The following SP1 variants were observed in gnomAD, a reference collection of about 807,000 sequenced individuals.
SP1 encodes the protein transcription factor Sp1.
In SP1, 6 loss-of-function variants were observed where a neutral mutation model predicts 66.3. The ratio of observed to expected loss-of-function variants is 0.09; its 90% CI spans 0.05 to 0.18. The LOEUF (loss-of-function observed/expected upper bound fraction) is 0.18, where lower values mean the gene tolerates loss of function less well. Among genes scored for constraint, SP1 ranks in the 10% least tolerant of loss-of-function variants. The pLI is 1.00. For missense variants in SP1, 848 were observed against 964.5 expected, an observed-to-expected ratio of 0.88 and a Z score of 1.60; for synonymous variants, 417 against 360.8, an observed-to-expected ratio of 1.16 and a Z score of -1.77.
rs1436011180 is a variant in SP1, at chr12:53,415,000, G to C, written c.*3760G>C. 1 of 152,536 alleles carries C rather than the reference G, an allele frequency of 6.6e-6. No homozygotes were observed. The highest frequency in any genetic ancestry group is 1.5e-5 in the Non-Finnish European group (1 of 68,034). The allele number at this position is 152,536 out of a possible 1,614,324, so 9.4% of individuals were successfully genotyped here. The stretch of plus-strand genomic sequence containing the variant: ...CTCACTGAAGCTGGGTAGCCTATTG[G>C]GGTTGAGAGGGAAAATGTGAAATCT... On this transcript the variant is annotated 3_prime_UTR_variant, in exon 6 of 6. Coordinates refer to ENST00000327443, the MANE Select transcript of SP1 (RefSeq NM_138473.3).
chr12:53,386,795 T>C (rs1016844917), intron 3 of SP1, among the ~76,000 whole-genome samples: 1 of 151,912 alleles, frequency 6.6e-6, no homozygotes, highest in Admixed American at 6.6e-5. Flanking sequence ...GGCCTGACTT[T>C]ATCATTTTAA....
At position 53,412,426 on chromosome 12, in the gene SP1, G is replaced by A. The variant is rs1410004966; in HGVS notation, c.*1186G>A. 2 of 152,564 alleles carry A rather than the reference G, an allele frequency of 1.3e-5. No individual in the cohort carries two copies. The highest frequency in any genetic ancestry group is 6.6e-5 in the Admixed American group (1 of 15,266). The allele number at this position is 152,564 out of a possible 1,614,324, so 9.5% of individuals were successfully genotyped here. On this transcript the variant is annotated 3_prime_UTR_variant, in exon 6 of 6. Coordinates refer to ENST00000327443, the MANE Select transcript of SP1 (RefSeq NM_138473.3). ...GGTAGCTCTAAGTTTTGATGTGTGG[G>A]CTTCTGAGTTTATATTCTGAAAGGA...
chr12:53,404,689 T>A (rs2136914631), intron 3 of SP1, among the ~76,000 whole-genome samples: 1 of 152,282 alleles, frequency 6.6e-6, no homozygotes. Context: ...TTTTTTTGAG[T>A]TGGAATCTTG....
chr12:53,381,584 A>G (rs1938098282), intron 1 of SP1, 75 bp from the exon 2 acceptor site: 1 of 1,364,686 alleles, frequency 7.3e-7, no homozygotes. Context: ...ATTTCATCAT[A>G]GCCTCCTTTT....
intron 2 of SP1, 114 bp from the exon 3 acceptor site, chr12:53,381,995 GT>G (rs1938111479): frequency 1.7e-6 from 2 of 1,193,610 alleles, no homozygotes; most frequent in Non-Finnish European, 2.3e-6. Flanking sequence ...TCAGCTTTTT[GT>G]TTCTGTTTTT....
At chr12:53,395,089 C>T (rs1161895278) in intron 3 of SP1, among the ~76,000 whole-genome samples, 1 of 151,948 alleles carries the variant, frequency 6.6e-6, no homozygotes, top group African/African-American at 2.4e-5. Flanking sequence ...GTCTGTAATC[C>T]CAGCACTTTG....
At chr12:53,383,681 T>A in intron 3 of SP1, 59 bp downstream of exon 3, 1 of 1,411,324 alleles carries the variant, frequency 7.1e-7, no homozygotes. Context: ...TAGCTGAAAC[T>A]TGAGTCTAAA....
chr12:53,386,940 G>GTTT (rs34093285), intron 3 of SP1, among the ~76,000 whole-genome samples: 1 of 123,382 alleles, frequency 8.1e-6, no homozygotes, highest in African/African-American at 2.9e-5. Context: ...TTCTAGGTTT[G>GTTT]TTTTTTTTTT....
At chr12:53,387,230 C>A (rs957107938) in intron 3 of SP1, among the ~76,000 whole-genome samples, 2 of 152,070 alleles carry the variant, frequency 1.3e-5, no homozygotes, top group African/African-American at 4.8e-5. Flanking sequence ...GGATTACAGG[C>A]GTGAGCCACT....
rs1243075172 is a variant in SP1 at position 53,411,833 on chromosome 12, C to T, written c.*593C>T. The T allele has an allele frequency of 6.6e-6, 1 of 152,300 alleles. No individual in the cohort carries two copies. The highest frequency in any genetic ancestry group is 1.5e-5 in the Non-Finnish European group (1 of 67,958). The allele number at this position is 152,300 out of a possible 1,614,324, so 9.4% of individuals were successfully genotyped here. A position where few individuals can be genotyped will look rare whatever the true frequency, so the allele number is the denominator to read the frequency against. Reference sequence around the variant, plus strand: ...TTTTCTGTAGATGTTGTCTTGGCTTCCCACCAGCTTAAGCGTTCATATGCT... The same window carrying T: ...TTTTCTGTAGATGTTGTCTTGGCTTTCCACCAGCTTAAGCGTTCATATGCT... On this transcript the variant is annotated 3_prime_UTR_variant, in exon 6 of 6. Coordinates refer to ENST00000327443, the MANE Select transcript of SP1 (RefSeq NM_138473.3).
In SP1 at chr12:53,382,188, T is replaced by A. The variant is rs775827679; in HGVS notation, c.241T>A (p.Ser81Thr). 6.2e-7 allele frequency: 1 copy of A among 1,614,008 alleles called. No homozygotes were observed. The highest frequency in any genetic ancestry group is 1.3e-5 in the African/African-American group (1 of 74,908). ...GTCACCCAATGAGAACAGCAACAACTCCCAGGGCCCGAGTCAGTCAGGGGG... is the reference window on the plus strand; with the variant it reads ...GTCACCCAATGAGAACAGCAACAACACCCAGGGCCCGAGTCAGTCAGGGGG... ...IESPNENSNN[S>T]QGPSQSGGTG... The change falls in exon 3 of 6, where the codon TCC becomes ACC. Residue 81 changes from serine to threonine, a missense_variant. Physicochemically the swap from Ser to Thr is moderately conservative, Grantham distance 58. Transcript: ENST00000327443.
chr12:53,394,585 T>G (rs1433155657), intron 3 of SP1, among the ~76,000 whole-genome samples: 3 of 146,110 alleles, frequency 2.1e-5, no homozygotes, highest in Non-Finnish European at 4.5e-5. Flanking sequence ...CTTTTCTTCT[T>G]TTTTTTTTTT....
At chr12:53,380,519 C>A in intron 1 of SP1, 1 of 512,370 alleles carries the variant, frequency 2.0e-6, no homozygotes, top group Non-Finnish European at 2.8e-6. Flanking sequence ...GAGGGGGCAG[C>A]GTGGCCTCGC....
intron 3 of SP1, among the ~76,000 whole-genome samples, chr12:53,404,889 G>A (rs1016980493): frequency 4.6e-5 from 7 of 152,196 alleles, no homozygotes; most frequent in Non-Finnish European, 1.0e-4. Context: ...AGGCTGGAGT[G>A]CAGTGGCACA....
chr12:53,409,284 G>T, intron 4 of SP1, 78 bp from the exon 5 acceptor site: 1 of 1,197,324 alleles, frequency 8.4e-7, no homozygotes, highest in Non-Finnish European at 1.2e-6. Context: ...GGTGTCGATT[G>T]GGTGATTGCT....
At chr12:53,409,593 TA>T (rs1938832328) in intron 5 of SP1, 32 bp downstream of exon 5, 1 of 1,549,082 alleles carries the variant, frequency 6.5e-7, no homozygotes, top group African/African-American at 1.4e-5. Context: ...AGAAAAATAG[TA>T]ATAGACTAGA....
chr12:53,408,453 A>G (rs548240963), intron 4 of SP1, among the ~76,000 whole-genome samples: 4 of 150,764 alleles, frequency 2.7e-5, no homozygotes, highest in African/African-American at 9.7e-5. Flanking sequence ...ACTGGTCTTG[A>G]ACAATTTTTG....
At chr12:53,399,041 C>G (rs1938550614) in intron 3 of SP1, among the ~76,000 whole-genome samples, 1 of 152,084 alleles carries the variant, frequency 6.6e-6, no homozygotes, top group African/African-American at 2.4e-5. Context: ...TTTCACTGAC[C>G]ACTGTGTCAT....
At position 53,380,264 on chromosome 12, in the gene SP1, C is replaced by G; in HGVS notation, c.-28C>G. The G allele has an allele frequency of 6.3e-7, 1 of 1,586,652 alleles. No homozygotes were observed. The highest frequency in any genetic ancestry group is 8.6e-7 in the Non-Finnish European group (1 of 1,158,124). On this transcript the variant is annotated 5_prime_UTR_variant, in exon 1 of 6. Transcript: ENST00000327443. ...CCCCCCAACCCCCCCGGACAGGACC[C>G]CCTTGAGCTTGTCCCTCAGCTGCCA...
Sources: gnomAD v4.1 joint callset for allele counts (sites outside exome capture counted in the v4.1 genomes callset) on GRCh38, gnomAD v4.1.1 for gene constraint, MANE v1.5 for transcripts, NCBI Gene and HGNC (gene_info 2026-07-23, HGNC 2026-07-21) for gene names.